RERG: variants seen among roughly 807,000 people sequenced by gnomAD.
RERG encodes the protein ras-related and estrogen-regulated growth inhibitor.
RERG carries 25 observed loss-of-function variants against 23.2 expected under a neutral mutation model. The ratio of observed to expected loss-of-function variants is 1.08; its 90% confidence interval spans 0.79 to 1.50. The LOEUF is 1.50. RERG is among the 40% of genes most tolerant of loss of function. The pLI, the probability that RERG is intolerant of heterozygous loss-of-function variation, is 0.00. For missense variants in RERG, 253 were observed against 250.1 expected (o/e 1.01, Z -0.08); for synonymous variants, 81 against 89.1 (o/e 0.91, Z 0.51).
chr12:15,114,959 A>T (rs1863693334), intron 3 of RERG, among the ~76,000 whole-genome samples: 2 of 152,298 alleles, frequency 1.3e-5, no homozygotes, highest in East Asian at 3.9e-4. Flanking sequence ...AGCTCATATT[A>T]GAGGCAACTT....
intron 2 of RERG, among the ~76,000 whole-genome samples, chr12:15,154,807 C>A (rs1001455065): frequency 2.0e-5 from 3 of 151,684 alleles, no homozygotes; most frequent in African/African-American, 7.3e-5. Flanking sequence ...ATTATGTAAA[C>A]AGAATTTTCA....
chr12:15,188,897 C>G (rs1192360689), intron 2 of RERG, among the ~76,000 whole-genome samples: 1 of 152,184 alleles, frequency 6.6e-6, no homozygotes, highest in Non-Finnish European at 1.5e-5. Context: ...CACGCACTCT[C>G]AGAGTATGAT....
At chr12:15,179,408 G>C (rs2193172) in intron 2 of RERG, among the ~76,000 whole-genome samples, 42,058 of 152,088 alleles carry the variant, frequency 0.28, 7,044 homozygotes, top group African/African-American at 0.47. Flanking sequence ...AAGTGCAGAA[G>C]TGCATTAAGG....
At chr12:15,114,008 C>T (rs960219606) in intron 3 of RERG, among the ~76,000 whole-genome samples, 2 of 151,944 alleles carry the variant, frequency 1.3e-5, no homozygotes, top group African/African-American at 4.8e-5. Context: ...TGAGGTGGCA[C>T]CACAAGTCAC....
intron 4 of RERG, 73 bp from the exon 5 acceptor site, chr12:15,109,590 A>C: frequency 8.4e-7 from 1 of 1,192,656 alleles, no homozygotes; most frequent in South Asian, 1.5e-5. Context: ...TAATGCTGAC[A>C]GTAATGCCTT....
chr12:15,192,629 T>C (rs1865087815), intron 2 of RERG, among the ~76,000 whole-genome samples: 1 of 152,188 alleles, frequency 6.6e-6, no homozygotes, highest in Admixed American at 6.5e-5. Flanking sequence ...AACAACTGAT[T>C]CAACTGGATT....
At chr12:15,128,891 C>A (rs1863993603) in intron 2 of RERG, among the ~76,000 whole-genome samples, 1 of 152,136 alleles carries the variant, frequency 6.6e-6, no homozygotes, top group Non-Finnish European at 1.5e-5. Flanking sequence ...AATTCCTCGT[C>A]CCCTGGGTCC....
chr12:15,126,151 ATGTATT>A (rs1863936833), intron 2 of RERG, among the ~76,000 whole-genome samples: 1 of 139,594 alleles, frequency 7.2e-6, no homozygotes, highest in African/African-American at 2.6e-5. Flanking sequence ...ATATATATAT[ATGTATT>A]TACACACATA....
At chr12:15,195,020 C>A (rs1241172698) in intron 2 of RERG, among the ~76,000 whole-genome samples, 2 of 152,084 alleles carry the variant, frequency 1.3e-5, no homozygotes, top group Non-Finnish European at 2.9e-5. Context: ...TACCTTCCAG[C>A]AAACACTTTG....
chr12:15,151,662 G>GTAA (rs1475942457), intron 2 of RERG, among the ~76,000 whole-genome samples: 19 of 152,192 alleles, frequency 1.2e-4, no homozygotes, highest in Admixed American at 5.2e-4. Flanking sequence ...CTGAATGGTA[G>GTAA]TGGATCATAG....
At chr12:15,110,463 CTTTTTTTT>C (rs869218147) in intron 4 of RERG, among the ~76,000 whole-genome samples, 17,477 of 72,738 alleles carry the variant, frequency 0.24, 1,341 homozygotes, top group Admixed American at 0.29. Flanking sequence ...CCATTTTTTT[CTTTTTTTT>C]TTTTTTTTTT....
At chr12:15,150,115 C>T (rs1012710675) in intron 2 of RERG, among the ~76,000 whole-genome samples, 2 of 152,086 alleles carry the variant, frequency 1.3e-5, no homozygotes, top group African/African-American at 4.8e-5. Context: ...ACTTTTGGAC[C>T]ACAGCTATGA....
chr12:15,205,744 T>C (rs1209922993), intron 2 of RERG, among the ~76,000 whole-genome samples: 1 of 152,084 alleles, frequency 6.6e-6, no homozygotes. Flanking sequence ...AAAGAACTTT[T>C]TAAAAGATTT....
intron 2 of RERG, among the ~76,000 whole-genome samples, chr12:15,174,401 T>G (rs971570405): frequency 7.9e-5 from 12 of 152,060 alleles, no homozygotes; most frequent in African/African-American, 2.9e-4. Flanking sequence ...TCTCTGCCTT[T>G]GTCTGTTGAA....
At chr12:15,169,478 C>CA (rs1165978940) in intron 2 of RERG, among the ~76,000 whole-genome samples, 1 of 152,142 alleles carries the variant, frequency 6.6e-6, no homozygotes, top group African/African-American at 2.4e-5. Flanking sequence ...CATTGATCTC[C>CA]TCCTCCTCTT....
At chr12:15,179,598 T>TC (rs1178237641) in intron 2 of RERG, among the ~76,000 whole-genome samples, 2 of 152,070 alleles carry the variant, frequency 1.3e-5, no homozygotes, top group Non-Finnish European at 2.9e-5. Context: ...GTTATATCTT[T>TC]CCCCCAAAAA....
chr12:15,131,136 A>G (rs1368409057), intron 2 of RERG, among the ~76,000 whole-genome samples: 4 of 152,124 alleles, frequency 2.6e-5, no homozygotes, highest in Non-Finnish European at 5.9e-5. Flanking sequence ...ACTAAATGAC[A>G]CTATTTTGCT....
intron 2 of RERG, among the ~76,000 whole-genome samples, chr12:15,161,219 A>AAAGG (rs1864609331): frequency 8.0e-6 from 1 of 125,088 alleles, no homozygotes; most frequent in Non-Finnish European, 1.8e-5. Flanking sequence ...AGAAAGAAAG[A>AAAGG]AAGAAAGAAA....
chr12:15,206,860 T>C (rs767075796), intron 2 of RERG, among the ~76,000 whole-genome samples: 26 of 152,146 alleles, frequency 1.7e-4, no homozygotes, highest in Non-Finnish European at 3.4e-4. Flanking sequence ...GGTTGATCAC[T>C]GTTAGGCACT....
Sources: allele counts gnomAD v4.1 joint callset (sites outside exome capture counted in the v4.1 genomes callset), GRCh38; gene constraint gnomAD v4.1.1; transcripts MANE v1.5; gene names NCBI Gene and HGNC (gene_info 2026-07-23, HGNC 2026-07-21).